The following MTMR7 variants were observed in gnomAD, a reference collection of about 807,000 sequenced individuals.
The protein encoded by MTMR7 is phosphatidylinositol-3-phosphate phosphatase MTMR7.
MTMR7 carries 76 observed loss-of-function variants against 81.2 expected under a neutral mutation model. The ratio of observed to expected loss-of-function variants is 0.94; its 90% CI spans 0.78 to 1.13. MTMR7 has a LOEUF of 1.13. Ranked by LOEUF, MTMR7 falls within the 50% of genes most tolerant of loss-of-function variation. The probability of loss-of-function intolerance (pLI) is 0.00; values close to 1 mark genes in which losing one functional copy is unlikely to be tolerated. For missense variants in MTMR7, 1,044 were observed against 820.0 expected (o/e 1.27, Z -3.34); for synonymous variants, 372 against 289.8 (o/e 1.28, Z -2.88).
chr8:17,310,258 C>T (rs1817709005), intron 9 of MTMR7, among the ~76,000 whole-genome samples: 1 of 152,048 alleles, frequency 6.6e-6, no homozygotes, highest in Non-Finnish European at 1.5e-5. Context: ...TCCTTAACCT[C>T]CCAAAATGCT....
chr8:17,398,386 G>C (rs1359726621), intron 1 of MTMR7, among the ~76,000 whole-genome samples: 1 of 152,144 alleles, frequency 6.6e-6, no homozygotes, highest in East Asian at 1.9e-4. Flanking sequence ...AAATTCTGGA[G>C]TTGAAAAATG....
intron 1 of MTMR7, among the ~76,000 whole-genome samples, chr8:17,401,144 G>GA (rs1821417652): frequency 6.6e-6 from 1 of 152,094 alleles, no homozygotes; most frequent in Non-Finnish European, 1.5e-5. Flanking sequence ...GTATGTTACA[G>GA]AAAAAATGCT....
intron 1 of MTMR7, among the ~76,000 whole-genome samples, chr8:17,374,501 G>C (rs1389215727): frequency 6.6e-6 from 1 of 151,946 alleles, no homozygotes. Flanking sequence ...GGTGCCTGTA[G>C]TCCCAGCTAC....
intron 3 of MTMR7, among the ~76,000 whole-genome samples, chr8:17,368,142 C>T (rs1219178864): frequency 6.6e-6 from 1 of 152,020 alleles, no homozygotes; most frequent in Non-Finnish European, 1.5e-5. Flanking sequence ...TCATCAGGAG[C>T]ACACAACCTA....
At chr8:17,316,604 G>A (rs1818087534) in intron 7 of MTMR7, among the ~76,000 whole-genome samples, 1 of 151,906 alleles carries the variant, frequency 6.6e-6, no homozygotes, top group Non-Finnish European at 1.5e-5. Context: ...GTATTCTCGG[G>A]TTCCACATCC....
intron 1 of MTMR7, among the ~76,000 whole-genome samples, chr8:17,376,524 A>T (rs774907960): frequency 6.6e-5 from 10 of 152,212 alleles, no homozygotes; most frequent in Non-Finnish European, 1.0e-4. Context: ...ACTATTTTCC[A>T]AAGCAGCTGT....
At chr8:17,374,475 G>T (rs1171203579) in intron 1 of MTMR7, among the ~76,000 whole-genome samples, 1 of 152,010 alleles carries the variant, frequency 6.6e-6, no homozygotes, top group African/African-American at 2.4e-5. Flanking sequence ...ACAGAAATTA[G>T]CCGGGTGTGT....
chr8:17,300,263 A>ATAAC, intron 13 of MTMR7, 39 bp from the exon 14 acceptor site: 1 of 1,566,676 alleles, frequency 6.4e-7, no homozygotes, highest in Non-Finnish European at 8.6e-7. Context: ...AAAATCATAA[A>ATAAC]TAACTTATCT....
chr8:17,302,073 G>A (rs1390869670), intron 13 of MTMR7, 81 bp downstream of exon 13: 1 of 1,569,940 alleles, frequency 6.4e-7, no homozygotes, highest in Non-Finnish European at 8.7e-7. Context: ...GTATTGCACT[G>A]AATCTTAAGA....
chr8:17,305,894 ACACT>A lies in MTMR7; in HGVS notation c.1211_1214del (p.Glu404ValfsTer5). ...GAAATTGTTCCATTAACTGCCAAAC[ACACT>A]CAATGAACTGGTCAATAACTGGAGA... On this transcript the variant is annotated frameshift_variant, in exon 11 of 14. Transcript: ENST00000180173. LOFTEE classifies it high-confidence loss of function. The A allele has an allele frequency of 6.2e-7, 1 of 1,613,806 alleles. No homozygotes were observed. Among genetic ancestry groups the A allele is most frequent in the Non-Finnish European group, 8.5e-7 (1 of 1,179,772 alleles).
rs1252932089 is a variant in MTMR7, at chr8:17,299,808, G to GT, written c.*53dup. The GT allele has an allele frequency of 9.4e-6, 15 of 1,591,294 alleles. No individual in the cohort carries two copies. The highest frequency in any genetic ancestry group is 1.3e-5 in the African/African-American group (1 of 74,136). ...TTACAATAAACCACCTTGTTCCCTT[G>GT]TTTTTGGAAGTGTTGCTTATGTGTC... On this transcript the variant is annotated 3_prime_UTR_variant, in exon 14 of 14. Transcript: ENST00000180173.
chr8:17,376,686 T>C (rs977149530), intron 1 of MTMR7, among the ~76,000 whole-genome samples: 1 of 152,206 alleles, frequency 6.6e-6, no homozygotes, highest in South Asian at 2.1e-4. Context: ...GCTAACAATA[T>C]TGAGCATCTC....
chr8:17,386,087 C>T (rs1820930924), intron 1 of MTMR7, among the ~76,000 whole-genome samples: 1 of 152,146 alleles, frequency 6.6e-6, no homozygotes, highest in South Asian at 2.1e-4. Context: ...ATTTATCAGA[C>T]TCTCCTGGCC....
intron 5 of MTMR7, among the ~76,000 whole-genome samples, chr8:17,343,491 G>C (rs759215909): frequency 1.3e-5 from 2 of 152,060 alleles, no homozygotes; most frequent in Non-Finnish European, 2.9e-5. Context: ...TCCATCAGAA[G>C]GGTTAGATGG....
At chr8:17,371,003 G>A (rs778754579) in intron 3 of MTMR7, 34 bp downstream of exon 3, 54 of 1,595,656 alleles carry the variant, frequency 3.4e-5, no homozygotes, top group Non-Finnish European at 3.8e-5. Context: ...TTTAAGAGAG[G>A]TTCCATATTA....
intron 1 of MTMR7, among the ~76,000 whole-genome samples, chr8:17,409,317 A>G (rs565434305): frequency 6.6e-6 from 1 of 152,100 alleles, no homozygotes; most frequent in South Asian, 2.1e-4. Flanking sequence ...AAAATTACCT[A>G]GGTGTAGCGG....
Position 17,371,064 on chromosome 8 carries a change from T to C in MTMR7, c.283A>G (p.Ile95Val). Residue 95 changes from isoleucine (I) to valine (V), a missense_variant, in exon 3 of 14, where the codon ATC (isoleucine) becomes GTC (valine). Physicochemically the swap from Ile to Val is conservative, Grantham distance 29. Coordinates refer to ENST00000180173, the MANE Select transcript of MTMR7 (RefSeq NM_004686.5). Reference protein sequence around the residue: ...PQERDCHDVYISLIRLARPVK... With the variant: ...PQERDCHDVYVSLIRLARPVK... ...GGCCTTGCAAGGCGTATCAGGGAGATGTACACGTCGTGGCAATCTCTTTCC... is the reference window on the plus strand; with the variant it reads ...GGCCTTGCAAGGCGTATCAGGGAGACGTACACGTCGTGGCAATCTCTTTCC... 1.9e-6 allele frequency: 3 copies of C among 1,614,098 alleles called. No individual in the cohort carries two copies. The highest frequency in any genetic ancestry group is 3.3e-5 in the Admixed American group (2 of 60,012).
At chr8:17,342,224 A>G (rs28449733) in intron 5 of MTMR7, among the ~76,000 whole-genome samples, 4,216 of 152,328 alleles carry the variant, frequency 0.028, 193 homozygotes, top group African/African-American at 0.096. Context: ...GGTAGTACAG[A>G]TCCTACCTTG....
At chr8:17,363,278 A>C (rs1363893179) in intron 3 of MTMR7, among the ~76,000 whole-genome samples, 1 of 152,238 alleles carries the variant, frequency 6.6e-6, no homozygotes, top group Non-Finnish European at 1.5e-5. Context: ...TTAACCACAA[A>C]TGCAAGTTGT....
Sources: gnomAD v4.1 joint callset for allele counts (sites outside exome capture counted in the v4.1 genomes callset) on GRCh38, gnomAD v4.1.1 for gene constraint, MANE v1.5 for transcripts, NCBI Gene and HGNC (gene_info 2026-07-23, HGNC 2026-07-21) for gene names.